The following PDE10A variants were observed in gnomAD, a reference collection of about 807,000 sequenced individuals.
PDE10A encodes cAMP and cAMP-inhibited cGMP 3',5'-cyclic phosphodiesterase 10A.
PDE10A carries 39 observed loss-of-function variants against 97.7 expected under a neutral mutation model. The observed-to-expected ratio is 0.40, with a 90% CI of 0.31 to 0.52. The LOEUF (loss-of-function observed/expected upper bound fraction) is 0.52, where lower values mean the gene tolerates loss of function less well. Among genes scored for constraint, PDE10A ranks in the 20% least tolerant of loss-of-function variants. PDE10A has a pLI of 0.56. For synonymous variants in PDE10A, 371 were observed against 376.8 expected, an observed-to-expected ratio of 0.98 and a Z score of 0.18; for missense variants, 731 against 1,047.8, an observed-to-expected ratio of 0.70 and a Z score of 4.17.
chr6:165,676,082 C>T (rs10806829), intron 1 of PDE10A, among the ~76,000 whole-genome samples: 3 of 151,900 alleles, frequency 2.0e-5, no homozygotes, highest in Admixed American at 6.6e-5. Flanking sequence ...TTGCAGCAAC[C>T]GGGGTGAAAC....
chr6:165,411,062 G>C (rs1787764757), intron 13 of PDE10A, among the ~76,000 whole-genome samples: 1 of 104,336 alleles, frequency 9.6e-6, no homozygotes. Context: ...CCTCCAGCCT[G>C]GGCAACAGAG....
At chr6:165,837,584 C>T (rs1189808735) in intron 1 of PDE10A, among the ~76,000 whole-genome samples, 45 of 151,244 alleles carry the variant, frequency 3.0e-4, no homozygotes, top group Admixed American at 3.0e-3. Flanking sequence ...GGTTACACCT[C>T]ACTAATTGTG....
intron 1 of PDE10A, among the ~76,000 whole-genome samples, chr6:165,903,009 A>G (rs118117193): frequency 0.018 from 2,784 of 152,334 alleles, 41 homozygotes; most frequent in Non-Finnish European, 0.029. Flanking sequence ...TAACACTACA[A>G]ATTGAGCAAG....
chr6:165,946,726 A>G (rs1783784644), intron 1 of PDE10A: 1 of 152,176 alleles, frequency 6.6e-6, no homozygotes, highest in African/African-American at 2.4e-5. Context: ...ACTAATAAAT[A>G]TATCATTCAG....
At chr6:165,606,150 A>G in intron 1 of PDE10A, among the ~76,000 whole-genome samples, 1 of 99,808 alleles carries the variant, frequency 1.0e-5, no homozygotes. Context: ...ATTACGAACA[A>G]GCGAAAAAAA....
At chr6:165,737,830 A>C (rs943382185) in intron 1 of PDE10A, among the ~76,000 whole-genome samples, 2 of 152,224 alleles carry the variant, frequency 1.3e-5, no homozygotes, top group African/African-American at 4.8e-5. Flanking sequence ...AAGGAATACA[A>C]GGCATGCAAA....
chr6:165,744,161 G>T (rs1792792986), intron 1 of PDE10A, among the ~76,000 whole-genome samples: 1 of 152,122 alleles, frequency 6.6e-6, no homozygotes. Flanking sequence ...ACATATTTCT[G>T]AAACAATTTA....
chr6:165,605,652 G>A (rs12661612), intron 1 of PDE10A, among the ~76,000 whole-genome samples: 16,319 of 151,908 alleles, frequency 0.11, 878 homozygotes, highest in Middle Eastern at 0.13. Flanking sequence ...GAAGCAACAC[G>A]GAAACCACAC....
intron 1 of PDE10A, among the ~76,000 whole-genome samples, chr6:165,560,099 T>C (rs1008954243): frequency 6.6e-6 from 1 of 152,240 alleles, no homozygotes; most frequent in Non-Finnish European, 1.5e-5. Flanking sequence ...TAGGACATGT[T>C]ATGCTACAGG....
intron 2 of PDE10A, among the ~76,000 whole-genome samples, chr6:165,506,578 T>C (rs1164252538): frequency 6.6e-6 from 1 of 152,126 alleles, no homozygotes; most frequent in African/African-American, 2.4e-5. Flanking sequence ...TCTGATATGG[T>C]GAAAAGAAAA....
At chr6:165,429,994 G>A (rs1789438676) in intron 9 of PDE10A, among the ~76,000 whole-genome samples, 1 of 152,080 alleles carries the variant, frequency 6.6e-6, no homozygotes, top group South Asian at 2.1e-4. Context: ...GTATTCTCCT[G>A]CATAAATAGA....
exon 1 of PDE10A, chr6:165,987,828 C>T (rs1313461765): frequency 2.4e-6 from 1 of 424,402 alleles, no homozygotes; most frequent in South Asian, 1.7e-5. Flanking sequence ...TTCCTCCTTC[C>T]CTCCTTTCCA....
At chr6:165,978,465 G>C (rs1242727419) in intron 1 of PDE10A, among the ~76,000 whole-genome samples, 1 of 152,220 alleles carries the variant, frequency 6.6e-6, no homozygotes, top group African/African-American at 2.4e-5. Context: ...CACCACGACA[G>C]GACCTGCTGA....
intron 1 of PDE10A, among the ~76,000 whole-genome samples, chr6:165,901,986 C>G (rs1022359419): frequency 6.6e-6 from 1 of 152,196 alleles, no homozygotes; most frequent in Admixed American, 6.5e-5. Flanking sequence ...GCTTTTCAAA[C>G]AGTCCCAGTC....
At chr6:165,471,390 A>G (rs1184493739) in intron 3 of PDE10A, among the ~76,000 whole-genome samples, 1 of 152,122 alleles carries the variant, frequency 6.6e-6, no homozygotes, top group East Asian at 1.9e-4. Context: ...GATGGTTCTT[A>G]AATCATCATA....
intron 13 of PDE10A, among the ~76,000 whole-genome samples, chr6:165,396,822 G>A (rs928243439): frequency 2.6e-5 from 4 of 152,088 alleles, no homozygotes; most frequent in African/African-American, 7.2e-5. Context: ...AAAGATCATC[G>A]TAAGATCTAA....
intron 1 of PDE10A, among the ~76,000 whole-genome samples, chr6:165,853,108 G>A (rs747679738): frequency 3.3e-5 from 5 of 152,152 alleles, no homozygotes; most frequent in Admixed American, 6.5e-5. Flanking sequence ...ATCTGCTGTC[G>A]ACCCGGAGTC....
intron 1 of PDE10A, among the ~76,000 whole-genome samples, chr6:165,773,608 A>G (rs1299415605): frequency 6.6e-6 from 1 of 152,242 alleles, no homozygotes; most frequent in Non-Finnish European, 1.5e-5. Flanking sequence ...AAAGACAAAC[A>G]AGGCCCCTGA....
At chr6:165,926,411 A>G (rs1454431558) in intron 1 of PDE10A, among the ~76,000 whole-genome samples, 7 of 152,212 alleles carry the variant, frequency 4.6e-5, no homozygotes, top group African/African-American at 4.8e-5. Flanking sequence ...GGCTTTTTCC[A>G]TAGTATTTGT....
Sources: allele counts gnomAD v4.1 joint callset (sites outside exome capture counted in the v4.1 genomes callset), GRCh38; gene constraint gnomAD v4.1.1; transcripts MANE v1.5; gene names NCBI Gene and HGNC (gene_info 2026-07-23, HGNC 2026-07-21).